MLLT3: variants seen among roughly 807,000 people sequenced by gnomAD.
MLLT3 encodes MLLT3 super elongation complex subunit, also known as protein AF-9.
In MLLT3, 4 loss-of-function variants were observed where a neutral mutation model predicts 53.2. The observed-to-expected ratio is 0.08, with a 90% CI of 0.04 to 0.17. The LOEUF (loss-of-function observed/expected upper bound fraction) is 0.17, where lower values mean the gene tolerates loss of function less well. MLLT3 is among the 10% of genes least tolerant of loss of function. The pLI is 1.00. For synonymous variants in MLLT3, 283 were observed against 230.6 expected, an observed-to-expected ratio of 1.23 and a Z score of -2.06; for missense variants, 569 against 684.0, an observed-to-expected ratio of 0.83 and a Z score of 1.87.
At position 20,490,700 on chromosome 9, in the gene MLLT3, T is replaced by C. The variant is rs4639594; in HGVS notation, c.194-33914A>G. 0.011 allele frequency among the ~76,000 whole-genome samples: 1,636 copies of C among 152,364 alleles called. 75 individuals carry two copies. The East Asian group carries it at 0.16, about 15-fold the overall frequency. On this transcript the variant is annotated intron_variant, in intron 2 of 10. Transcript: ENST00000380338. Reference sequence around the variant, plus strand: ...GTCTCGTTTTAAGCCACTAAATTTGTGTTAATTTGCTATAGCAGCAACAGA... The same window carrying C: ...GTCTCGTTTTAAGCCACTAAATTTGCGTTAATTTGCTATAGCAGCAACAGA...
In MLLT3 at chr9:20,475,780, C is replaced by T. The variant is rs183831925; in HGVS notation, c.194-18994G>A. Among the ~76,000 whole-genome samples the T allele has an allele frequency of 5.6e-3, 850 of 152,152 alleles. 8 individuals are homozygous for T. Among genetic ancestry groups the T allele is most frequent in the African/African-American group, 0.02 (813 of 41,528 alleles). ...ACCAGGATTTGGCACAATTTAAATA[C>T]AAGAGCTTTTTACACACCAAAGTTG... is the stretch of plus-strand genomic sequence containing the variant. On this transcript the variant is annotated intron_variant, in intron 2 of 10. Coordinates refer to ENST00000380338, the MANE Select transcript of MLLT3 (RefSeq NM_004529.4).
At chr9:20,443,990 G>A (rs1823624040) in intron 4 of MLLT3, among the ~76,000 whole-genome samples, 1 of 152,124 alleles carries the variant, frequency 6.6e-6, no homozygotes, top group African/African-American at 2.4e-5. Context: ...AGAAAAACAA[G>A]TTAGTAGAAT....
chr9:20,478,870 A>ACCTCT (rs1273739644), intron 2 of MLLT3, among the ~76,000 whole-genome samples: 2 of 152,176 alleles, frequency 1.3e-5, no homozygotes, highest in Non-Finnish European at 2.9e-5. Flanking sequence ...AGGGAACTTC[A>ACCTCT]GCAGAGGTGA....
chr9:20,461,690 T>C (rs1248554141), intron 2 of MLLT3, among the ~76,000 whole-genome samples: 2 of 152,150 alleles, frequency 1.3e-5, no homozygotes, highest in African/African-American at 4.8e-5. Context: ...AGAAGTATTA[T>C]TAGGCAACAG....
chr9:20,352,991 C>T (rs1365681121), intron 10 of MLLT3, among the ~76,000 whole-genome samples: 1 of 151,978 alleles, frequency 6.6e-6, no homozygotes, highest in Non-Finnish European at 1.5e-5. Context: ...TAGAAGTTTC[C>T]CCACTCTACA....
rs34702803 is a variant in MLLT3 at position 20,546,545 on chromosome 9, T to TA, written c.193+74108dup. Among the ~76,000 whole-genome samples the TA allele has an allele frequency of 3.1e-3, 448 of 145,474 alleles. 1 individual carries two copies. The highest frequency in any genetic ancestry group is 5.9e-3 in the South Asian group (27 of 4,538). On this transcript the variant is annotated intron_variant, in intron 2 of 10. Transcript: ENST00000380338. ...GGCAACAGAGCAAGAACCTATCACT[T>TA]AAAAAAAAAAAAAAAAATCTACTGT...
chr9:20,455,511 G>A (rs1320596035), intron 3 of MLLT3, among the ~76,000 whole-genome samples: 1 of 152,140 alleles, frequency 6.6e-6, no homozygotes, highest in Non-Finnish European at 1.5e-5. Flanking sequence ...TGATACATCT[G>A]GGTAGAATTT....
intron 5 of MLLT3, among the ~76,000 whole-genome samples, chr9:20,390,349 G>C (rs1409665652): frequency 6.6e-6 from 1 of 152,188 alleles, no homozygotes; most frequent in African/African-American, 2.4e-5. Flanking sequence ...TACCGAAAAA[G>C]AGAAAGTAGC....
intron 2 of MLLT3, among the ~76,000 whole-genome samples, chr9:20,478,096 G>A (rs1007633678): frequency 6.6e-6 from 1 of 151,762 alleles, no homozygotes; most frequent in Non-Finnish European, 1.5e-5. Context: ...GCTTAGTGTC[G>A]CTGTGTTTCA....
At chr9:20,404,369 G>A (rs1822529546) in intron 5 of MLLT3, among the ~76,000 whole-genome samples, 3 of 152,080 alleles carry the variant, frequency 2.0e-5, no homozygotes, top group Non-Finnish European at 4.4e-5. Flanking sequence ...CCTAACAAAA[G>A]CTGTCTTCAT....
intron 5 of MLLT3, among the ~76,000 whole-genome samples, chr9:20,406,124 A>G (rs541439644): frequency 6.6e-6 from 1 of 152,030 alleles, no homozygotes; most frequent in African/African-American, 2.4e-5. Flanking sequence ...ACAAAAAAGA[A>G]AAAAAGAAAA....
At position 20,363,456 on chromosome 9, in the gene MLLT3, T is replaced by C. The variant is rs746346118; in HGVS notation, c.1331+20A>G. ...GTCTGACTTCATCACAGGCAACCCC[T>C]TTCCTTCCAAGATACTCACCTGCGA... On this transcript the variant is annotated intron_variant, in intron 7 of 10. Transcript: ENST00000380338. 5 of 1,604,710 alleles carry C rather than the reference T, an allele frequency of 3.1e-6. No individual in the cohort carries two copies. Among genetic ancestry groups the C allele is most frequent in the East Asian group, 4.5e-5 (2 of 44,042 alleles).
chr9:20,425,949 G>A (rs983667167), intron 4 of MLLT3, among the ~76,000 whole-genome samples: 2 of 151,674 alleles, frequency 1.3e-5, no homozygotes, highest in African/African-American at 4.8e-5. Flanking sequence ...AGTACTGATT[G>A]GCAAAAATAT....
Position 20,360,723 on chromosome 9 carries a change from T to C in MLLT3, c.1431+19A>G. ...CCTAGCTCTGCAGAGTCTTGCAAAG[T>C]GCAAACCCCACAATTTACCTGGTTG... On this transcript the variant is annotated intron_variant, in intron 8 of 10. Transcript: ENST00000380338. 1 of 1,600,568 alleles carries C rather than the reference T, an allele frequency of 6.2e-7. No individual in the cohort carries two copies. Among genetic ancestry groups the C allele is most frequent in the Non-Finnish European group, 8.6e-7 (1 of 1,167,686 alleles).
chr9:20,539,045 T>C (rs1818557928), intron 2 of MLLT3, among the ~76,000 whole-genome samples: 1 of 152,260 alleles, frequency 6.6e-6, no homozygotes, highest in South Asian at 2.1e-4. Flanking sequence ...GGAGCAGTAA[T>C]GCCTGGATGT....
intron 10 of MLLT3, among the ~76,000 whole-genome samples, chr9:20,348,510 G>C (rs1455943324): frequency 1.3e-5 from 2 of 152,198 alleles, no homozygotes; most frequent in Non-Finnish European, 2.9e-5. Flanking sequence ...TGGAAGAAAA[G>C]AAAGACAAGG....
intron 2 of MLLT3, among the ~76,000 whole-genome samples, chr9:20,496,036 G>T (rs1825072038): frequency 6.6e-6 from 1 of 152,096 alleles, no homozygotes; most frequent in Non-Finnish European, 1.5e-5. Context: ...CCATAGGTTT[G>T]CCCAATATGC....
chr9:20,344,301 C>T lies in MLLT3; in HGVS notation c.*2142G>A, dbSNP rs935758740. ...AAAAATGGCCCAAACTACATATATA[C>T]GTTTCTAGTTAAACTACACAGATAT... On this transcript the variant is annotated 3_prime_UTR_variant, in exon 11 of 11. Transcript: ENST00000380338. The T allele has an allele frequency of 2.0e-5, 4 of 199,698 alleles. No homozygotes were observed. Among genetic ancestry groups the T allele is most frequent in the Admixed American group, 6.0e-5 (1 of 16,616 alleles). The allele number at this position is 199,698 out of a possible 1,614,324, so 12.4% of individuals were successfully genotyped here.
At position 20,344,352 on chromosome 9, in the gene MLLT3, G is replaced by C. The variant is rs556765413; in HGVS notation, c.*2091C>G. On this transcript the variant is annotated 3_prime_UTR_variant, in exon 11 of 11. Coordinates refer to ENST00000380338, the MANE Select transcript of MLLT3 (RefSeq NM_004529.4). ...ATTAAATCACATAAACTTCTGGCTT[G>C]ATCAGAATATGTGTTAGCAGTTAGA... 4.9e-6 allele frequency: 1 copy of C among 203,124 alleles called. No homozygotes were observed. Among genetic ancestry groups the C allele is most frequent in the South Asian group, 1.9e-4 (1 of 5,266 alleles). 12.6% of individuals were successfully genotyped at this position (203,124 alleles called of 1,614,324 possible). A position where few individuals can be genotyped will look rare whatever the true frequency, so the allele number is the denominator to read the frequency against.
Sources: allele counts gnomAD v4.1 joint callset (sites outside exome capture counted in the v4.1 genomes callset), GRCh38; gene constraint gnomAD v4.1.1; transcripts MANE v1.5; gene names NCBI Gene and HGNC (gene_info 2026-07-23, HGNC 2026-07-21).